Variants in DRC11 observed in about 807,000 individuals in gnomAD.
DRC11 encodes IQ and AAA domain-containing protein 1.
chr2:236,345,535 TCAG>T, the DRC11 span, among the ~76,000 whole-genome samples: 1 of 152,188 alleles, frequency 6.6e-6, no homozygotes, highest in South Asian at 2.1e-4. Flanking sequence ...AAAAACCGTT[TCAG>T]CACTCGGGCC....
At chr2:236,416,488 C>T in the DRC11 span, among the ~76,000 whole-genome samples, 1 of 151,468 alleles carries the variant, frequency 6.6e-6, no homozygotes, top group Non-Finnish European at 1.5e-5. Context: ...TTGGGTTGTG[C>T]CCCAAATGAG....
chr2:236,428,757 A>C, the DRC11 span, among the ~76,000 whole-genome samples: 1 of 152,338 alleles, frequency 6.6e-6, no homozygotes, highest in East Asian at 1.9e-4. Context: ...GATAGGAAGA[A>C]CTTATTGCTG....
the DRC11 span, among the ~76,000 whole-genome samples, chr2:236,309,941 C>A: frequency 6.6e-6 from 1 of 152,218 alleles, no homozygotes; most frequent in South Asian, 2.1e-4. This position sits in a 1 kb window ranked among gnomAD's most constrained non-coding sequence, Gnocchi z 5.7. Context: ...GAGGAGCAAT[C>A]TTGGTGAGAA....
chr2:236,455,650 G>A, the DRC11 span, among the ~76,000 whole-genome samples: 3 of 152,318 alleles, frequency 2.0e-5, no homozygotes, highest in East Asian at 3.9e-4. This position sits in a 1 kb window ranked among gnomAD's most constrained non-coding sequence, Gnocchi z 5.7. Flanking sequence ...GACAGACAAG[G>A]AATCTGGAGG....
chr2:236,429,196 G>A, the DRC11 span, among the ~76,000 whole-genome samples: 8 of 152,188 alleles, frequency 5.3e-5, no homozygotes, highest in African/African-American at 1.9e-4. The surrounding 1 kb of genome is among the most constrained non-coding windows in gnomAD (Gnocchi z 5.9). Context: ...CCGAATCTGG[G>A]GGAGCGTTCA....
chr2:236,505,684 C>T, the DRC11 span, among the ~76,000 whole-genome samples: 1 of 152,192 alleles, frequency 6.6e-6, no homozygotes, highest in African/African-American at 2.4e-5. Context: ...CACCCACCCA[C>T]TGAATAGCAT....
the DRC11 span, among the ~76,000 whole-genome samples, chr2:236,500,082 A>AGATGATGATGATGAT: frequency 1.2e-4 from 18 of 150,592 alleles, no homozygotes; most frequent in East Asian, 1.8e-3. This position sits in a 1 kb window ranked among gnomAD's most constrained non-coding sequence, Gnocchi z 6.3. Flanking sequence ...TTTTGGGTTC[A>AGATGATGATGATGAT]GATGATGATG....
At chr2:236,311,697 CGTGTGTGTGTGTGTGTGTGTGTGT>C in the DRC11 span, among the ~76,000 whole-genome samples, 2 of 138,706 alleles carry the variant, frequency 1.4e-5, no homozygotes, top group Non-Finnish European at 3.2e-5. This position sits in a 1 kb window ranked among gnomAD's most constrained non-coding sequence, Gnocchi z 6.9. Flanking sequence ...GGATGGGGTG[CGTGTGTGTGTGTGTGTGTGTGTGT>C]GTGTGTGTGT....
At chr2:236,434,645 A>G in the DRC11 span, among the ~76,000 whole-genome samples, 4 of 152,246 alleles carry the variant, frequency 2.6e-5, no homozygotes, top group Admixed American at 2.6e-4. This position sits in a 1 kb window ranked among gnomAD's most constrained non-coding sequence, Gnocchi z 5.5. Flanking sequence ...CTCTTCAATC[A>G]TCTGTCTTTC....
chr2:236,376,958 A>G, the DRC11 span: 2 of 598,704 alleles, frequency 3.3e-6, no homozygotes, highest in African/African-American at 1.9e-5. This position sits in a 1 kb window ranked among gnomAD's most constrained non-coding sequence, Gnocchi z 5.7. Context: ...AATCAATTCA[A>G]TCCAACAAAC....
the DRC11 span, among the ~76,000 whole-genome samples, chr2:236,453,192 G>A: frequency 6.6e-6 from 1 of 152,102 alleles, no homozygotes. The surrounding 1 kb of genome is among the most constrained non-coding windows in gnomAD (Gnocchi z 4.9). Flanking sequence ...ATAGGAGAAA[G>A]GTTAGCAAAA....
chr2:236,365,945 G>C, the DRC11 span, among the ~76,000 whole-genome samples: 3 of 152,268 alleles, frequency 2.0e-5, no homozygotes, highest in East Asian at 5.8e-4. This position sits in a 1 kb window ranked among gnomAD's most constrained non-coding sequence, Gnocchi z 7.4. Context: ...TAACAAGGAG[G>C]CCAGTGTTCT....
chr2:236,507,415 G>T, the DRC11 span: 25,870 of 769,948 alleles, frequency 0.034, 1,580 homozygotes, highest in African/African-American at 0.19. Context: ...AGGACTGCGA[G>T]AATCTTCTGC....
chr2:236,357,433 T>C, the DRC11 span, among the ~76,000 whole-genome samples: 8 of 126,570 alleles, frequency 6.3e-5, no homozygotes, highest in Admixed American at 5.1e-4. Context: ...ATTTACATAG[T>C]ATATGTATAT....
chr2:236,310,172 A>C, the DRC11 span, among the ~76,000 whole-genome samples: 2 of 122,890 alleles, frequency 1.6e-5, no homozygotes, highest in African/African-American at 6.0e-5. This position sits in a 1 kb window ranked among gnomAD's most constrained non-coding sequence, Gnocchi z 5.5. Context: ...TCTGGTTGCC[A>C]CCTTTGCCTT....
chr2:236,450,314 C>CTTTTTTTTTTTTTTTTTT, the DRC11 span, among the ~76,000 whole-genome samples: 42 of 82,372 alleles, frequency 5.1e-4, no homozygotes, highest in Non-Finnish European at 7.2e-4. Context: ...CTTTTCTTTT[C>CTTTTTTTTTTTTTTTTTT]TTTTTTTTTT....
At chr2:236,498,263 C>T in the DRC11 span, among the ~76,000 whole-genome samples, 35 of 150,016 alleles carry the variant, frequency 2.3e-4, no homozygotes, top group African/African-American at 7.8e-4. Context: ...GTCAGGAGAT[C>T]GAGACCACCC....
chr2:236,384,137 G>A, the DRC11 span, among the ~76,000 whole-genome samples: 22 of 151,000 alleles, frequency 1.5e-4, no homozygotes, highest in Admixed American at 2.6e-4. Flanking sequence ...GTGTGCATGT[G>A]TCTTTATAGC....
chr2:236,354,447 G>A, the DRC11 span, among the ~76,000 whole-genome samples: 4 of 151,952 alleles, frequency 2.6e-5, no homozygotes, highest in African/African-American at 7.3e-5. Context: ...GGTGGGGGGC[G>A]TCAGGCTTAC....
Sources: gnomAD v4.1 joint callset for allele counts (sites outside exome capture counted in the v4.1 genomes callset) on GRCh38, gnomAD v4.1.1 for gene constraint, Gnocchi (gnomAD v3.1) non-coding constraint, MANE v1.5 for transcripts, NCBI Gene and HGNC (gene_info 2026-07-23, HGNC 2026-07-21) for gene names.